Variants in CDK6 observed in about 807,000 individuals in gnomAD.
CDK6 encodes cyclin-dependent kinase 6.
Under a neutral mutation model 37.1 loss-of-function variants are expected in CDK6, and 6 were observed. The observed-to-expected ratio is 0.16, with a 90% CI of 0.09 to 0.32. The LOEUF is 0.32. Ranked by LOEUF, CDK6 falls within the 10% of genes least tolerant of loss-of-function variation. The pLI, the probability that CDK6 is intolerant of heterozygous loss-of-function variation, is 1.00. For synonymous variants in CDK6, 160 were observed against 161.3 expected, an observed-to-expected ratio of 0.99 and a Z score of 0.06; for missense variants, 224 against 418.9, an observed-to-expected ratio of 0.53 and a Z score of 4.06.
At chr7:92,786,469 C>G (rs1343550944) in intron 2 of CDK6, among the ~76,000 whole-genome samples, 1 of 151,956 alleles carries the variant, frequency 6.6e-6, no homozygotes, top group African/African-American at 2.4e-5. Context: ...AAATGAAAAC[C>G]TCAGTGAAAC....
intron 3 of CDK6, among the ~76,000 whole-genome samples, chr7:92,745,802 T>G (rs1246805257): frequency 1.3e-5 from 2 of 152,190 alleles, no homozygotes; most frequent in African/African-American, 4.8e-5. Context: ...TCATACTATA[T>G]TTATCAATCC....
chr7:92,821,509 A>G (rs1801171029), intron 2 of CDK6, among the ~76,000 whole-genome samples: 1 of 152,100 alleles, frequency 6.6e-6, no homozygotes, highest in Non-Finnish European at 1.5e-5. Flanking sequence ...GAAAAATGTA[A>G]TTATTTTAAA....
In CDK6 at chr7:92,605,790, A is replaced by C. The variant is rs1400285387; in HGVS notation, c.*9350T>G. 2.6e-5 allele frequency: 6 copies of C among 233,138 alleles called. No homozygotes were observed. In the Admixed American group the frequency reaches 3.4e-4, roughly 13 times the overall value. The allele number at this position is 233,138 out of a possible 1,614,324, so 14.4% of individuals were successfully genotyped here. On this transcript the variant is annotated 3_prime_UTR_variant, in exon 8 of 8. Transcript: ENST00000424848. Reference sequence around the variant, plus strand: ...AGGCCATTTTTCTTAGAGGGCAAAAACGTTAGAATAGGTAGGAAGGTTCTT... The same window carrying C: ...AGGCCATTTTTCTTAGAGGGCAAAACCGTTAGAATAGGTAGGAAGGTTCTT...
At chr7:92,685,239 A>C (rs1797421911) in intron 4 of CDK6, among the ~76,000 whole-genome samples, 1 of 152,224 alleles carries the variant, frequency 6.6e-6, no homozygotes, top group African/African-American at 2.4e-5. Flanking sequence ...AGGAAGAACC[A>C]CACTAATACC....
chr7:92,635,685 T>G lies in CDK6; in HGVS notation c.648-12599A>C, dbSNP rs1796154085. 2.6e-5 allele frequency among the ~76,000 whole-genome samples: 4 copies of G among 152,242 alleles called. No homozygotes were observed. The South Asian group carries it at 8.3e-4, about 31-fold the overall frequency. On this transcript the variant is annotated intron_variant, in intron 5 of 7. Transcript: ENST00000424848. Reference sequence around the variant, plus strand: ...TTCTCTGTCCTGTGGTTTCTTTTCCTTGTTTCATTATGACTAAATATGCAA... The same window carrying G: ...TTCTCTGTCCTGTGGTTTCTTTTCCGTGTTTCATTATGACTAAATATGCAA...
At chr7:92,774,964 T>C (rs1799812495) in intron 2 of CDK6, 133 bp from the exon 3 acceptor site, 1 of 749,042 alleles carries the variant, frequency 1.3e-6, no homozygotes, top group South Asian at 1.9e-5. Context: ...TGTGATCATA[T>C]GTAAAGATAT....
chr7:92,643,352 C>T (rs991961776), intron 5 of CDK6, among the ~76,000 whole-genome samples: 24 of 152,188 alleles, frequency 1.6e-4, no homozygotes, highest in African/African-American at 5.8e-4. Flanking sequence ...CATTATAGCA[C>T]GCTTCAGCAG....
intron 2 of CDK6, among the ~76,000 whole-genome samples, chr7:92,786,015 T>C (rs560559627): frequency 1.3e-5 from 2 of 152,274 alleles, no homozygotes; most frequent in African/African-American, 4.8e-5. Context: ...GAGATTCTGA[T>C]CTCAGAAATA....
intron 5 of CDK6, among the ~76,000 whole-genome samples, chr7:92,644,956 C>T (rs1796409878): frequency 6.6e-6 from 1 of 152,158 alleles, no homozygotes; most frequent in Non-Finnish European, 1.5e-5. Flanking sequence ...AGGCAAGCAG[C>T]CAGGCAGAGC....
At chr7:92,692,005 C>T (rs904677228) in intron 4 of CDK6, among the ~76,000 whole-genome samples, 6 of 152,166 alleles carry the variant, frequency 3.9e-5, no homozygotes, top group African/African-American at 1.2e-4. Context: ...CGGTGGCTCA[C>T]GCTGGTAATC....
intron 5 of CDK6, among the ~76,000 whole-genome samples, chr7:92,664,952 A>T (rs147140504): frequency 6.6e-6 from 1 of 151,640 alleles, no homozygotes; most frequent in Non-Finnish European, 1.5e-5. Context: ...CGCTCAGCTA[A>T]TTTTTTGTAT....
At chr7:92,740,023 A>G (rs1798881155) in intron 3 of CDK6, among the ~76,000 whole-genome samples, 1 of 152,168 alleles carries the variant, frequency 6.6e-6, no homozygotes, top group African/African-American at 2.4e-5. Context: ...CTCCCACAGC[A>G]CTGGGATTAC....
intron 2 of CDK6, among the ~76,000 whole-genome samples, chr7:92,805,424 C>T (rs187951118): frequency 2.0e-5 from 3 of 152,284 alleles, no homozygotes; most frequent in East Asian, 3.9e-4. Flanking sequence ...TCCAACTTTT[C>T]ACTCTGAAAG....
chr7:92,771,674 T>C (rs919687419), intron 3 of CDK6, among the ~76,000 whole-genome samples: 4 of 152,202 alleles, frequency 2.6e-5, no homozygotes, highest in Non-Finnish European at 5.9e-5. Flanking sequence ...TTCAATTTTG[T>C]GTCCCTGAAC....
chr7:92,747,521 G>A (rs1373616655), intron 3 of CDK6, among the ~76,000 whole-genome samples: 1 of 152,188 alleles, frequency 6.6e-6, no homozygotes, highest in African/African-American at 2.4e-5. Context: ...GCCTAATGGT[G>A]TCTTTCCCCA....
At chr7:92,746,372 C>T (rs1799058594) in intron 3 of CDK6, among the ~76,000 whole-genome samples, 1 of 152,098 alleles carries the variant, frequency 6.6e-6, no homozygotes, top group South Asian at 2.1e-4. Flanking sequence ...ATCTGAAAAT[C>T]CAAAATCCAA....
chr7:92,783,095 C>G (rs1448807486), intron 2 of CDK6, among the ~76,000 whole-genome samples: 1 of 152,156 alleles, frequency 6.6e-6, no homozygotes, highest in African/African-American at 2.4e-5. Context: ...TCAGACCCTA[C>G]TTGAGGTTCC....
intron 3 of CDK6, among the ~76,000 whole-genome samples, chr7:92,727,768 CTG>C (rs1798547420): frequency 6.6e-6 from 1 of 152,116 alleles, no homozygotes; most frequent in Non-Finnish European, 1.5e-5. Context: ...CTGGAGAAGA[CTG>C]CATTGGGGAG....
intron 2 of CDK6, among the ~76,000 whole-genome samples, chr7:92,778,563 T>A (rs1053803381): frequency 3.5e-4 from 54 of 152,194 alleles, no homozygotes; most frequent in South Asian, 6.2e-4. Flanking sequence ...CTACAACTAT[T>A]CACAGGCTTT....
Sources: allele counts gnomAD v4.1 joint callset (sites outside exome capture counted in the v4.1 genomes callset), GRCh38; gene constraint gnomAD v4.1.1; transcripts MANE v1.5; gene names NCBI Gene and HGNC (gene_info 2026-07-23, HGNC 2026-07-21).